ANO2: variants seen among roughly 807,000 people sequenced by gnomAD.
ANO2 encodes anoctamin 2.
ANO2 carries 101 observed loss-of-function variants against 124.2 expected under a neutral mutation model. The ratio of observed to expected loss-of-function variants is 0.81; its 90% CI spans 0.69 to 0.96. The LOEUF (loss-of-function observed/expected upper bound fraction) is 0.96. ANO2 is among the 40% of genes least tolerant of loss of function. ANO2 has a pLI of 0.00. For missense variants in ANO2, 1,293 were observed against 1,274.5 expected, an observed-to-expected ratio of 1.01 and a Z score of -0.22; for synonymous variants, 486 against 482.5, an observed-to-expected ratio of 1.01 and a Z score of -0.09.
At chr12:5,896,105 C>T (rs1939765243) in intron 3 of ANO2, among the ~76,000 whole-genome samples, 1 of 151,952 alleles carries the variant, frequency 6.6e-6, no homozygotes, top group Non-Finnish European at 1.5e-5. Context: ...ACATAGGAAT[C>T]ATATAATGGA....
chr12:5,732,184 G>A (rs561543027), intron 14 of ANO2, among the ~76,000 whole-genome samples: 6 of 152,292 alleles, frequency 3.9e-5, no homozygotes, highest in Middle Eastern at 3.4e-3. Flanking sequence ...AGGATTAGCC[G>A]TGGTGGTGGT....
At chr12:5,592,924 C>T (rs1342400423) in intron 20 of ANO2, among the ~76,000 whole-genome samples, 1 of 152,164 alleles carries the variant, frequency 6.6e-6, no homozygotes, top group Non-Finnish European at 1.5e-5. Context: ...TTGAAAGCGG[C>T]CACAAGAGCT....
chr12:5,613,005 A>C (rs1944622515), intron 17 of ANO2, 47 bp from the exon 18 acceptor site: 2 of 1,597,404 alleles, frequency 1.3e-6, no homozygotes, highest in Non-Finnish European at 1.7e-6. Context: ...GAAAGCATGC[A>C]GGGTGGCTCA....
chr12:5,645,316 G>C (rs1946576223), intron 15 of ANO2, among the ~76,000 whole-genome samples: 1 of 152,088 alleles, frequency 6.6e-6, no homozygotes, highest in African/African-American at 2.4e-5. Context: ...TTGAACCCGG[G>C]GGGCGGAGGT....
intron 19 of ANO2, among the ~76,000 whole-genome samples, chr12:5,610,607 TTATATATGTATATATTTA>T (rs927635924): frequency 2.0e-4 from 29 of 142,402 alleles, no homozygotes; most frequent in East Asian, 6.0e-4. Context: ...ATATTTATAT[TTATATATGTATATATTTA>T]TATATATGTA....
chr12:5,658,976 C>T lies in ANO2; in HGVS notation c.1546-11175G>A, dbSNP rs1023329372. On this transcript the variant is annotated intron_variant, in intron 14 of 24. Transcript: ENST00000682330. The surrounding 1 kb of genome is among the most constrained non-coding windows in gnomAD (Gnocchi z 4.3). ...CTGTGGCCCCAACTGATAAGGAAAC[C>T]CAGTTAATTATGGGCAATGTTTTCT... Among the ~76,000 whole-genome samples, 1 of 152,098 alleles carries T rather than the reference C, an allele frequency of 6.6e-6. No individual in the cohort carries two copies. Among genetic ancestry groups the T allele is most frequent in the East Asian group, 1.9e-4 (1 of 5,186 alleles).
intron 15 of ANO2, among the ~76,000 whole-genome samples, chr12:5,640,226 C>T (rs1179085237): frequency 6.6e-6 from 1 of 152,154 alleles, no homozygotes; most frequent in African/African-American, 2.4e-5. Context: ...CTTCCTAATG[C>T]CCATGGTCCT....
At chr12:5,881,734 C>T (rs1197286511) in intron 3 of ANO2, 1 of 152,220 alleles carries the variant, frequency 6.6e-6, no homozygotes, top group African/African-American at 2.4e-5. Flanking sequence ...ATATAAACCC[C>T]TTATGAGGGC....
At chr12:5,783,614 C>T (rs958242514) in intron 10 of ANO2, among the ~76,000 whole-genome samples, 7 of 152,200 alleles carry the variant, frequency 4.6e-5, no homozygotes, top group Non-Finnish European at 1.0e-4. Flanking sequence ...CACCAGGTAA[C>T]AGGTAATGTT....
At chr12:5,801,442 C>G (rs1211957811) in intron 9 of ANO2, among the ~76,000 whole-genome samples, 2 of 152,216 alleles carry the variant, frequency 1.3e-5, no homozygotes, top group African/African-American at 4.8e-5. Flanking sequence ...CCACATCACA[C>G]ACATTTCACG....
At chr12:5,817,489 G>A (rs1215329530) in intron 7 of ANO2, among the ~76,000 whole-genome samples, 4 of 152,182 alleles carry the variant, frequency 2.6e-5, no homozygotes, top group East Asian at 1.9e-4. Flanking sequence ...TCTAAGCCAC[G>A]GGTGTAGAAA....
chr12:5,688,925 T>G (rs1446037177), intron 14 of ANO2, among the ~76,000 whole-genome samples: 2 of 151,942 alleles, frequency 1.3e-5, no homozygotes. Context: ...TTCCTGCTGT[T>G]GTGCACAAGA....
intron 16 of ANO2, among the ~76,000 whole-genome samples, chr12:5,616,842 A>G (rs1057215793): frequency 2.8e-4 from 42 of 152,094 alleles, no homozygotes; most frequent in African/African-American, 9.7e-4. Context: ...AGACTGTACA[A>G]CACTCTCCAG....
chr12:5,782,693 G>A (rs1565665170), intron 10 of ANO2, among the ~76,000 whole-genome samples: 1 of 152,184 alleles, frequency 6.6e-6, no homozygotes, highest in East Asian at 1.9e-4. Flanking sequence ...TGATTCTGGT[G>A]TGCTGCTGGA....
At chr12:5,796,967 C>G (rs1246322524) in intron 10 of ANO2, among the ~76,000 whole-genome samples, 1 of 152,198 alleles carries the variant, frequency 6.6e-6, no homozygotes, top group Non-Finnish European at 1.5e-5. Context: ...GGAACAGAAG[C>G]TTGGCGCTAA....
chr12:5,946,145 A>C (rs1185370463), upstream of ANO2: 6 of 1,613,882 alleles, frequency 3.7e-6, no homozygotes, highest in Non-Finnish European at 3.4e-6. The surrounding 1 kb of genome is among the most constrained non-coding windows in gnomAD (Gnocchi z 4.1). Flanking sequence ...ATTTGTGATC[A>C]CTGACCTTCA....
intron 14 of ANO2, among the ~76,000 whole-genome samples, chr12:5,676,671 C>T (rs1948258978): frequency 1.3e-5 from 2 of 151,922 alleles, no homozygotes; most frequent in Non-Finnish European, 2.9e-5. Flanking sequence ...TTTTTAAATG[C>T]CCCTCATCCT....
intron 3 of ANO2, among the ~76,000 whole-genome samples, chr12:5,870,075 G>T (rs1955530873): frequency 6.6e-6 from 1 of 152,132 alleles, no homozygotes; most frequent in Admixed American, 6.5e-5. Context: ...GACTTGTTTT[G>T]ACACTCAGCC....
chr12:5,683,747 G>A (rs1948594977), intron 14 of ANO2, among the ~76,000 whole-genome samples: 1 of 152,102 alleles, frequency 6.6e-6, no homozygotes, highest in African/African-American at 2.4e-5. Flanking sequence ...GATGATCGGT[G>A]TAAGAGAACT....
Sources: allele counts gnomAD v4.1 joint callset (sites outside exome capture counted in the v4.1 genomes callset), GRCh38; gene constraint gnomAD v4.1.1; non-coding constraint Gnocchi (gnomAD v3.1); transcripts MANE v1.5; gene names NCBI Gene and HGNC (gene_info 2026-07-23, HGNC 2026-07-21).